Variants in RSU1 observed in about 807,000 individuals in gnomAD.
The protein encoded by RSU1 is Ras suppressor protein 1.
Under a neutral mutation model 31.1 loss-of-function variants are expected in RSU1, and 26 were observed. That is an observed-to-expected ratio of 0.84 (90% confidence interval 0.61 to 1.16). The LOEUF is 1.16. RSU1 is among the 50% of genes most tolerant of loss of function. RSU1 has a pLI of 0.00. For missense variants in RSU1, 320 were observed against 339.1 expected (o/e 0.94, Z 0.44); for synonymous variants, 164 against 136.3 (o/e 1.20, Z -1.41).
chr10:16,754,999 G>C lies in RSU1; in HGVS notation c.282-10C>G. 5 of 1,573,238 alleles carry C rather than the reference G, an allele frequency of 3.2e-6. No individual in the cohort carries two copies. Among genetic ancestry groups the C allele is most frequent in the Non-Finnish European group, 4.4e-6 (5 of 1,147,776 alleles). Reference sequence around the variant, plus strand: ...GTTCAGCCTGTTCATGCTGTTGCAGGGGGACAAAAATCTATGTCATGACAC... The same window carrying C: ...GTTCAGCCTGTTCATGCTGTTGCAGCGGGACAAAAATCTATGTCATGACAC... On this transcript the variant is annotated splice_polypyrimidine_tract_variant and intron_variant, in intron 4 of 8. Transcript: ENST00000345264.
chr10:16,621,658 C>T lies in RSU1; in HGVS notation c.732-28162G>A, dbSNP rs111448382. Among the ~76,000 whole-genome samples the T allele has an allele frequency of 1.2e-4, 19 of 152,218 alleles. No homozygotes were observed. In the East Asian group the frequency reaches 2.1e-3, roughly 17 times the overall value. ...AGGAGCAAAGGCACATCTTACATGG[C>T]GGCAGGCAAGAAAGCTTGTGCTGGG... is the stretch of plus-strand genomic sequence containing the variant. On this transcript the variant is annotated intron_variant, in intron 8 of 8. Coordinates refer to ENST00000345264, the MANE Select transcript of RSU1 (RefSeq NM_012425.4).
intron 3 of RSU1, among the ~76,000 whole-genome samples, chr10:16,766,857 T>A (rs921568678): frequency 1.3e-5 from 2 of 149,272 alleles, no homozygotes; most frequent in African/African-American, 5.0e-5. Flanking sequence ...CTACAAAAAA[T>A]AAATAAATAA....
At chr10:16,812,296 G>A (rs528342561) in intron 2 of RSU1, among the ~76,000 whole-genome samples, 239 of 152,278 alleles carry the variant, frequency 1.6e-3, no homozygotes, top group African/African-American at 5.4e-3. Flanking sequence ...ATAAAAATTA[G>A]CCAGGTGTGG....
chr10:16,636,487 A>G (rs1834346626), intron 8 of RSU1, among the ~76,000 whole-genome samples: 1 of 152,176 alleles, frequency 6.6e-6, no homozygotes, highest in African/African-American at 2.4e-5. Flanking sequence ...GGGCCAAGCC[A>G]CTTTCAGCTC....
intron 7 of RSU1, among the ~76,000 whole-genome samples, chr10:16,712,077 G>C (rs1463069406): frequency 1.3e-5 from 2 of 152,120 alleles, no homozygotes; most frequent in Admixed American, 1.3e-4. Flanking sequence ...CTTTAATCAT[G>C]ACATAATGAC....
At chr10:16,754,824 C>A (rs192161639) in intron 5 of RSU1, 47 bp downstream of exon 5, 1 of 1,166,420 alleles carries the variant, frequency 8.6e-7, no homozygotes. Flanking sequence ...CCTCTCAGAA[C>A]GCAAAGTACA....
At chr10:16,715,428 T>C (rs1221608043) in intron 7 of RSU1, among the ~76,000 whole-genome samples, 3 of 152,256 alleles carry the variant, frequency 2.0e-5, no homozygotes, top group Non-Finnish European at 4.4e-5. Context: ...AAAATTTTTA[T>C]AGTTGTAGTT....
intron 8 of RSU1, among the ~76,000 whole-genome samples, chr10:16,658,124 T>C (rs1049606321): frequency 3.9e-5 from 6 of 152,248 alleles, no homozygotes; most frequent in African/African-American, 1.4e-4. Flanking sequence ...TGGAGAATTT[T>C]AGCAGTTTGT....
chr10:16,708,683 TTAACTA>T (rs899299739), intron 7 of RSU1, among the ~76,000 whole-genome samples: 10 of 152,300 alleles, frequency 6.6e-5, no homozygotes, highest in African/African-American at 2.4e-4. Context: ...TATGGCCATC[TTAACTA>T]TATTAATTCT....
At chr10:16,737,428 C>T (rs78428519) in intron 7 of RSU1, among the ~76,000 whole-genome samples, 6,876 of 151,158 alleles carry the variant, frequency 0.045, 487 homozygotes, top group African/African-American at 0.15. Context: ...AAACCAGAGA[C>T]AAGAAAACAC....
At chr10:16,756,701 G>A (rs990653340) in intron 4 of RSU1, among the ~76,000 whole-genome samples, 1 of 152,182 alleles carries the variant, frequency 6.6e-6, no homozygotes, top group Admixed American at 6.5e-5. Context: ...AGGCTATTAG[G>A]AATTAAGATT....
intron 2 of RSU1, among the ~76,000 whole-genome samples, chr10:16,788,844 T>C (rs943068625): frequency 1.3e-5 from 2 of 152,242 alleles, no homozygotes; most frequent in Non-Finnish European, 2.9e-5. Context: ...GCTACAAGGC[T>C]GGCTTCTGGG....
chr10:16,780,875 T>A (rs376976916), intron 3 of RSU1, among the ~76,000 whole-genome samples: 22 of 152,228 alleles, frequency 1.4e-4, no homozygotes, highest in African/African-American at 4.3e-4. Flanking sequence ...TGGCCACCAC[T>A]ACTTAAGTGT....
chr10:16,753,896 C>G (rs1837030456), intron 5 of RSU1, among the ~76,000 whole-genome samples: 3 of 152,112 alleles, frequency 2.0e-5, no homozygotes, highest in South Asian at 4.2e-4. Flanking sequence ...TAGCTAAGAT[C>G]ACAGGCTCAT....
At chr10:16,691,575 C>G (rs996460726) in intron 8 of RSU1, among the ~76,000 whole-genome samples, 2 of 152,014 alleles carry the variant, frequency 1.3e-5, no homozygotes, top group African/African-American at 4.8e-5. Context: ...GAACTCACAG[C>G]AGGCCCCTGC....
chr10:16,798,035 T>A (rs1838078402), intron 2 of RSU1, among the ~76,000 whole-genome samples: 1 of 152,024 alleles, frequency 6.6e-6, no homozygotes, highest in Non-Finnish European at 1.5e-5. Context: ...CTAATTCTTG[T>A]ATTTTTAGTA....
At chr10:16,744,631 G>A (rs111721265) in intron 7 of RSU1, among the ~76,000 whole-genome samples, 3,107 of 152,214 alleles carry the variant, frequency 0.02, 99 homozygotes, top group African/African-American at 0.071. Context: ...GAATGAATGG[G>A]TGAATGAGTG....
chr10:16,607,149 A>G (rs553078313), intron 8 of RSU1, among the ~76,000 whole-genome samples: 2 of 152,136 alleles, frequency 1.3e-5, no homozygotes, highest in Non-Finnish European at 2.9e-5. Context: ...CTGGTTGTTG[A>G]AAAGCATGCA....
At chr10:16,642,448 T>A (rs1489955333) in intron 8 of RSU1, among the ~76,000 whole-genome samples, 2 of 152,198 alleles carry the variant, frequency 1.3e-5, no homozygotes, top group African/African-American at 2.4e-5. Flanking sequence ...TTTGAGTCTC[T>A]AACCTTTCCT....
Sources: allele counts gnomAD v4.1 joint callset (sites outside exome capture counted in the v4.1 genomes callset), GRCh38; gene constraint gnomAD v4.1.1; transcripts MANE v1.5; gene names NCBI Gene and HGNC (gene_info 2026-07-23, HGNC 2026-07-21).